The following PDLIM5 variants were observed in gnomAD, a reference collection of about 807,000 sequenced individuals.
The protein encoded by PDLIM5 is PDZ and LIM domain protein 5.
A neutral mutation model predicts 64.2 loss-of-function variants in PDLIM5; 34 were observed. The ratio of observed to expected loss-of-function variants is 0.53; its 90% CI spans 0.40 to 0.71. PDLIM5 has a LOEUF of 0.71. Among genes scored for constraint, PDLIM5 ranks in the 30% least tolerant of loss-of-function variants. The probability of loss-of-function intolerance (pLI) is 0.00; values close to 1 mark genes in which losing one functional copy is unlikely to be tolerated. For missense variants in PDLIM5, 683 were observed against 733.6 expected, an observed-to-expected ratio of 0.93 and a Z score of 0.80; for synonymous variants, 253 against 269.1, an observed-to-expected ratio of 0.94 and a Z score of 0.59.
At chr4:94,590,502 A>G (rs771092685) in intron 7 of PDLIM5, among the ~76,000 whole-genome samples, 8 of 152,242 alleles carry the variant, frequency 5.3e-5, no homozygotes, top group Admixed American at 3.3e-4. Flanking sequence ...TGAATAACAG[A>G]TAAATGTATA....
chr4:94,630,531 G>C (rs1030656539), intron 8 of PDLIM5, among the ~76,000 whole-genome samples: 1 of 151,968 alleles, frequency 6.6e-6, no homozygotes, highest in African/African-American at 2.4e-5. Flanking sequence ...GCACCACCAT[G>C]CCCGGCTAAT....
chr4:94,625,614 G>A lies in PDLIM5; in HGVS notation c.1108+7423G>A, dbSNP rs758967290. Among the ~76,000 whole-genome samples the A allele has an allele frequency of 7.6e-4, 116 of 152,004 alleles. 1 individual carries two copies. The highest frequency in any genetic ancestry group is 1.1e-3 in the Non-Finnish European group (75 of 67,962). On this transcript the variant is annotated intron_variant, in intron 8 of 12. Transcript: ENST00000317968. ...ACTACAGGCGCCCGCCACCATGCCC[G>A]GCTAATGTTTTTGTATTTTTAGTAG...
In PDLIM5 at chr4:94,585,757, T is replaced by C; in HGVS notation, c.883+20T>C. The C allele has an allele frequency of 1.3e-6, 2 of 1,594,560 alleles. No individual in the cohort carries two copies. The highest frequency in any genetic ancestry group is 1.7e-6 in the Non-Finnish European group (2 of 1,163,652). On this transcript the variant is annotated intron_variant, in intron 6 of 12. Transcript: ENST00000317968. Reference sequence around the variant, plus strand: ...AACATTGTAAGTGAACTTCTAGGTATCCTAATGGATGAATGTTTTTTTGCC... The same window carrying C: ...AACATTGTAAGTGAACTTCTAGGTACCCTAATGGATGAATGTTTTTTTGCC...
chr4:94,597,527 G>A (rs1737161586), intron 7 of PDLIM5, among the ~76,000 whole-genome samples: 1 of 152,142 alleles, frequency 6.6e-6, no homozygotes, highest in South Asian at 2.1e-4. Context: ...AATGCTCTGT[G>A]TTGAAAGACA....
chr4:94,662,046 CT>C (rs1400452674), intron 11 of PDLIM5, among the ~76,000 whole-genome samples: 1 of 152,092 alleles, frequency 6.6e-6, no homozygotes, highest in Non-Finnish European at 1.5e-5. Flanking sequence ...GTCTCAATCT[CT>C]TGACCTCGTG....
rs1342029182 is a variant in PDLIM5 at position 94,657,414 on chromosome 4, C to G, written c.1465-13C>G. 6.4e-7 allele frequency: 1 copy of G among 1,558,136 alleles called. No homozygotes were observed. The highest frequency in any genetic ancestry group is 1.4e-5 in the African/African-American group (1 of 73,612). ...ATCTTCTTTTTTTACATCCAATTACCTTTCTGTAACAGGAAGTCATCAGTG... is the reference window on the plus strand; with the variant it reads ...ATCTTCTTTTTTTACATCCAATTACGTTTCTGTAACAGGAAGTCATCAGTG... On this transcript the variant is annotated splice_polypyrimidine_tract_variant and intron_variant, in intron 10 of 12. Transcript: ENST00000317968.
At chr4:94,635,583 T>A (rs779292690) in intron 8 of PDLIM5, among the ~76,000 whole-genome samples, 6 of 152,178 alleles carry the variant, frequency 3.9e-5, no homozygotes, top group Admixed American at 6.5e-5. Flanking sequence ...TTTGGAGCAT[T>A]TTAGAGGTCA....
At chr4:94,505,383 C>G (rs934746257) in intron 2 of PDLIM5, among the ~76,000 whole-genome samples, 1 of 152,124 alleles carries the variant, frequency 6.6e-6, no homozygotes, top group Admixed American at 6.5e-5. Flanking sequence ...CTCAACTACC[C>G]GAGTAGCTGG....
Position 94,559,393 on chromosome 4 carries a change from A to G in PDLIM5, c.249-13958A>G, listed in dbSNP as rs538124761. On this transcript the variant is annotated intron_variant, in intron 3 of 12. Coordinates refer to ENST00000317968, the MANE Select transcript of PDLIM5 (RefSeq NM_006457.5). ...TTCTAGCCATACTCATCAATATTCT[A>G]GCACATTTAACTGCTGATCTCTTTA... is the stretch of plus-strand genomic sequence containing the variant. Among the ~76,000 whole-genome samples, 16 of 152,304 alleles carry G rather than the reference A, an allele frequency of 1.1e-4. No individual in the cohort carries two copies. The South Asian group carries it at 3.1e-3, about 30-fold the overall frequency.
chr4:94,466,368 G>A (rs1030335211), intron 2 of PDLIM5, among the ~76,000 whole-genome samples: 12 of 152,160 alleles, frequency 7.9e-5, no homozygotes, highest in African/African-American at 2.4e-4. Flanking sequence ...CTGGTTTCCA[G>A]ACTGACTAGT....
chr4:94,486,879 T>G (rs1726390517), intron 2 of PDLIM5, among the ~76,000 whole-genome samples: 1 of 152,094 alleles, frequency 6.6e-6, no homozygotes. Flanking sequence ...GACTTATGCC[T>G]GTAGTTCCAG....
At chr4:94,501,810 G>T (rs563959695) in intron 2 of PDLIM5, among the ~76,000 whole-genome samples, 2 of 152,186 alleles carry the variant, frequency 1.3e-5, no homozygotes, top group Non-Finnish European at 2.9e-5. Context: ...CATTCATCAA[G>T]GGCATACCAA....
intron 7 of PDLIM5, among the ~76,000 whole-genome samples, chr4:94,607,450 TTAAAG>T (rs751993217): frequency 7.2e-5 from 11 of 152,150 alleles, no homozygotes; most frequent in Non-Finnish European, 8.8e-5. Flanking sequence ...TATCAGAAAA[TTAAAG>T]TAAAGAATAC....
chr4:94,508,378 T>C (rs1578273866), intron 2 of PDLIM5, among the ~76,000 whole-genome samples: 1 of 152,194 alleles, frequency 6.6e-6, no homozygotes, highest in East Asian at 1.9e-4. Context: ...TAAGTGGTAT[T>C]GGTGGAAGTT....
intron 7 of PDLIM5, among the ~76,000 whole-genome samples, chr4:94,595,012 A>G (rs961793575): frequency 2.0e-5 from 3 of 152,124 alleles, no homozygotes; most frequent in Non-Finnish European, 4.4e-5. Context: ...GAAACTTACA[A>G]TCATGGTGGA....
At chr4:94,471,949 C>G (rs9685626) in intron 2 of PDLIM5, among the ~76,000 whole-genome samples, 1 of 151,800 alleles carries the variant, frequency 6.6e-6, no homozygotes, top group Non-Finnish European at 1.5e-5. Context: ...TTTGTACTTA[C>G]AAAGACCTTA....
chr4:94,662,353 C>G, intron 11 of PDLIM5, 69 bp from the exon 12 acceptor site: 1 of 731,766 alleles, frequency 1.4e-6, no homozygotes, highest in South Asian at 1.8e-5. Flanking sequence ...TTGTTGCTGC[C>G]TTCTAGGAAC....
intron 2 of PDLIM5, among the ~76,000 whole-genome samples, chr4:94,485,330 G>A (rs1400430211): frequency 2.7e-5 from 4 of 150,380 alleles, no homozygotes; most frequent in Admixed American, 2.0e-4. Context: ...CCATTTACTC[G>A]TGTTAGCACC....
intron 2 of PDLIM5, among the ~76,000 whole-genome samples, chr4:94,464,028 T>C (rs1724126823): frequency 6.6e-6 from 1 of 152,176 alleles, no homozygotes. Flanking sequence ...TTGGTAACTA[T>C]AGTAACAAAA....
Sources: allele counts gnomAD v4.1 joint callset (sites outside exome capture counted in the v4.1 genomes callset), GRCh38; gene constraint gnomAD v4.1.1; transcripts MANE v1.5; gene names NCBI Gene and HGNC (gene_info 2026-07-23, HGNC 2026-07-21).